Variants in SEZ6L observed in about 807,000 individuals in gnomAD.
SEZ6L encodes seizure 6-like protein.
A neutral mutation model predicts 106.2 loss-of-function variants in SEZ6L; 37 were observed. The observed-to-expected ratio is 0.35, with a 90% CI of 0.27 to 0.46. The LOEUF is 0.46. Among genes scored for constraint, SEZ6L ranks in the 20% least tolerant of loss-of-function variants. The probability of loss-of-function intolerance (pLI) is 1.00; values close to 1 mark genes in which losing one functional copy is unlikely to be tolerated. For synonymous variants in SEZ6L, 541 were observed against 570.4 expected, an observed-to-expected ratio of 0.95 and a Z score of 0.73; for missense variants, 1,172 against 1,332.8, an observed-to-expected ratio of 0.88 and a Z score of 1.88.
chr22:26,229,145 C>T (rs192396499), intron 1 of SEZ6L, among the ~76,000 whole-genome samples: 31 of 152,202 alleles, frequency 2.0e-4, no homozygotes, highest in African/African-American at 7.2e-4. Context: ...TATAGGCATG[C>T]GCCACCACAC....
At chr22:26,317,100 A>C (rs961399912) in intron 9 of SEZ6L, among the ~76,000 whole-genome samples, 2 of 152,094 alleles carry the variant, frequency 1.3e-5, no homozygotes, top group Non-Finnish European at 2.9e-5. Context: ...TGGCTGGAGC[A>C]AAGCATGGCA....
chr22:26,306,551 T>C (rs191432624), intron 6 of SEZ6L, among the ~76,000 whole-genome samples: 113 of 152,074 alleles, frequency 7.4e-4, no homozygotes, highest in Middle Eastern at 3.4e-3. Flanking sequence ...TGATAGGAAA[T>C]TGAGATGGAA....
At chr22:26,173,396 G>A (rs1440580777) in intron 1 of SEZ6L, among the ~76,000 whole-genome samples, 3 of 152,182 alleles carry the variant, frequency 2.0e-5, no homozygotes, top group Non-Finnish European at 4.4e-5. Context: ...CTCACCTTTG[G>A]CAGATGAGAA....
At chr22:26,260,343 C>T (rs924619495) in intron 1 of SEZ6L, among the ~76,000 whole-genome samples, 4 of 152,120 alleles carry the variant, frequency 2.6e-5, no homozygotes, top group African/African-American at 9.7e-5. Flanking sequence ...TATGCCTTTT[C>T]ATCCTCATAG....
intron 3 of SEZ6L, 65 bp from the exon 4 acceptor site, chr22:26,296,823 C>T (rs991960981): frequency 1.0e-5 from 14 of 1,396,068 alleles, no homozygotes; most frequent in Admixed American, 9.6e-5. Context: ...TTCTTTGCAA[C>T]CTTAGAAGGC....
chr22:26,270,354 T>C (rs2080323656), intron 1 of SEZ6L, among the ~76,000 whole-genome samples: 1 of 152,102 alleles, frequency 6.6e-6, no homozygotes, highest in Admixed American at 6.5e-5. Flanking sequence ...AAAATAAGAA[T>C]TCCTTTGCAT....
intron 1 of SEZ6L, among the ~76,000 whole-genome samples, chr22:26,257,373 T>A (rs1332739549): frequency 6.6e-6 from 1 of 152,138 alleles, no homozygotes; most frequent in Non-Finnish European, 1.5e-5. Context: ...AACTTCTCAT[T>A]TTACAGGAGA....
rs145526318 is a variant in SEZ6L at position 26,330,731 on chromosome 22, T to G, written c.2016-9705T>G. Among the ~76,000 whole-genome samples the G allele has an allele frequency of 2.0e-4, 30 of 146,348 alleles. No homozygotes were observed. The East Asian group carries it at 5.8e-3, about 28-fold the overall frequency. The stretch of plus-strand genomic sequence containing the variant: ...AATTCTATTACCAGCTACTTCTTTT[T>G]GTGTTACCGTTTTTGTTTTCCCGAA... On this transcript the variant is annotated intron_variant, in intron 9 of 16. Coordinates refer to ENST00000248933, the MANE Select transcript of SEZ6L (RefSeq NM_021115.5).
intron 1 of SEZ6L, among the ~76,000 whole-genome samples, chr22:26,185,903 T>C (rs1939744355): frequency 6.6e-6 from 1 of 152,126 alleles, no homozygotes; most frequent in South Asian, 2.1e-4. Context: ...GTAGTACGAA[T>C]AGGGGTGGGA....
intron 1 of SEZ6L, among the ~76,000 whole-genome samples, chr22:26,191,680 C>A (rs1398126456): frequency 1.3e-5 from 2 of 152,136 alleles, no homozygotes; most frequent in Non-Finnish European, 2.9e-5. Context: ...GTGCAGCAAA[C>A]CACCATGGCA....
At chr22:26,228,072 A>T (rs1602090105) in intron 1 of SEZ6L, among the ~76,000 whole-genome samples, 1 of 152,212 alleles carries the variant, frequency 6.6e-6, no homozygotes, top group Non-Finnish European at 1.5e-5. Context: ...ACACTTGTCA[A>T]TCACCTTCCA....
chr22:26,344,899 T>C (rs993465705), intron 10 of SEZ6L, among the ~76,000 whole-genome samples: 1 of 152,208 alleles, frequency 6.6e-6, no homozygotes, highest in Non-Finnish European at 1.5e-5. Context: ...AATCACACCA[T>C]TTATTTAAAA....
chr22:26,334,542 G>T (rs2082587585), intron 9 of SEZ6L, among the ~76,000 whole-genome samples: 1 of 152,188 alleles, frequency 6.6e-6, no homozygotes, highest in Non-Finnish European at 1.5e-5. Flanking sequence ...TGAGGGAGCA[G>T]ATCTGATTTA....
intron 1 of SEZ6L, among the ~76,000 whole-genome samples, chr22:26,250,508 T>C (rs768696105): frequency 6.6e-6 from 1 of 152,202 alleles, no homozygotes; most frequent in Non-Finnish European, 1.5e-5. Context: ...GCGATTCTGT[T>C]CCATTGGTCT....
intron 1 of SEZ6L, among the ~76,000 whole-genome samples, chr22:26,279,267 T>C (rs1033310194): frequency 6.6e-5 from 10 of 152,164 alleles, no homozygotes; most frequent in African/African-American, 2.4e-4. Flanking sequence ...TGAGATTTTC[T>C]TTGTCTCTCC....
intron 9 of SEZ6L, among the ~76,000 whole-genome samples, chr22:26,317,962 G>C (rs543130664): frequency 6.6e-5 from 10 of 152,158 alleles, no homozygotes; most frequent in African/African-American, 2.4e-4. Flanking sequence ...CACAAATACC[G>C]GAATTAGAGC....
At chr22:26,328,501 C>T (rs547622203) in intron 9 of SEZ6L, among the ~76,000 whole-genome samples, 2 of 152,120 alleles carry the variant, frequency 1.3e-5, no homozygotes, top group African/African-American at 4.8e-5. Context: ...GGAGGTGAAA[C>T]ACCAGGGTAG....
chr22:26,347,400 C>A (rs558543345), intron 10 of SEZ6L, among the ~76,000 whole-genome samples: 1 of 152,044 alleles, frequency 6.6e-6, no homozygotes, highest in Admixed American at 6.5e-5. Flanking sequence ...GGTCAAGGAA[C>A]CTGAGCTGCA....
rs981125786 is a variant in SEZ6L at position 26,382,732 on chromosome 22, A to T, written c.*2437A>T. On this transcript the variant is annotated 3_prime_UTR_variant, in exon 17 of 17. Transcript: ENST00000248933. ...ATCTGAATGTGTATTTGTAATACGT[A>T]AAGGTAAAAAAAAATAGTGCCAAAA... 1 of 149,098 alleles carries T rather than the reference A, an allele frequency of 6.7e-6. No homozygotes were observed. The highest frequency in any genetic ancestry group is 2.4e-5 in the African/African-American group (1 of 41,316). The allele number at this position is 149,098 out of a possible 1,614,324, so 9.2% of individuals were successfully genotyped here. A position where few individuals can be genotyped will look rare whatever the true frequency, so the allele number is the denominator to read the frequency against.
Sources: allele counts gnomAD v4.1 joint callset (sites outside exome capture counted in the v4.1 genomes callset), GRCh38; gene constraint gnomAD v4.1.1; transcripts MANE v1.5; gene names NCBI Gene and HGNC (gene_info 2026-07-23, HGNC 2026-07-21).